TDRD1: variants seen among roughly 807,000 people sequenced by gnomAD.
TDRD1 encodes tudor domain-containing protein 1.
A neutral mutation model predicts 140.6 loss-of-function variants in TDRD1; 37 were observed. The ratio of observed to expected loss-of-function variants is 0.26; its 90% CI spans 0.20 to 0.35. The LOEUF is 0.35. Among genes scored for constraint, TDRD1 ranks in the 10% least tolerant of loss-of-function variants. TDRD1 has a pLI of 1.00. For synonymous variants in TDRD1, 506 were observed against 475.7 expected, an observed-to-expected ratio of 1.06 and a Z score of -0.83; for missense variants, 1,243 against 1,393.0, an observed-to-expected ratio of 0.89 and a Z score of 1.71.
chr10:114,216,467 T>C lies in TDRD1; in HGVS notation c.2213-1078T>C, dbSNP rs185654106. Among the ~76,000 whole-genome samples, 4 of 152,316 alleles carry C rather than the reference T, an allele frequency of 2.6e-5. No homozygotes were observed. In the East Asian group the frequency reaches 7.7e-4, roughly 29 times the overall value. On this transcript the variant is annotated intron_variant, in intron 16 of 25. Coordinates refer to ENST00000251864, the Ensembl canonical transcript of TDRD1. ...TTTCCAAATCTTGGTTTTTCTTTGT[T>C]AAATAAGGACATTAAACTAGATAAC...
chr10:114,203,680 A>G (rs2034912416), intron 8 of TDRD1, 113 bp downstream of exon 8: 1 of 931,836 alleles, frequency 1.1e-6, no homozygotes, highest in Non-Finnish European at 1.6e-6. Context: ...GCCTCTGATC[A>G]CGCTTCTATT....
chr10:114,206,136 A>G, intron 10 of TDRD1, 108 bp from the exon 11 acceptor site: 1 of 787,786 alleles, frequency 1.3e-6, no homozygotes, highest in Non-Finnish European at 2.0e-6. Context: ...CAACCTATTA[A>G]TAGCTATGAA....
chr10:114,231,941 TAA>T (rs11316882), exon 26 of TDRD1: 10,388 of 138,402 alleles, frequency 0.075, 362 homozygotes, highest in Non-Finnish European at 0.084. Flanking sequence ...GATTTTGTCT[TAA>T]AAAAAAAAAA....
chr10:114,177,914 C>T (rs965851802), upstream of TDRD1, among the ~76,000 whole-genome samples: 12 of 150,078 alleles, frequency 8.0e-5, no homozygotes, highest in African/African-American at 2.9e-4. Flanking sequence ...CTCGGTGAAA[C>T]CTCCGCCTCC....
chr10:114,215,915 T>C (rs1369552554), intron 16 of TDRD1, among the ~76,000 whole-genome samples: 1 of 152,252 alleles, frequency 6.6e-6, no homozygotes, highest in Non-Finnish European at 1.5e-5. Context: ...TGTATGAGTA[T>C]ATATAATCCT....
chr10:114,203,150 C>A lies in TDRD1; in HGVS notation c.775C>A (p.Gln259Lys), dbSNP rs372468185. The A allele has an allele frequency of 1.9e-6, 3 of 1,612,964 alleles. No individual in the cohort carries two copies. In the African/African-American group the frequency reaches 4.0e-5, roughly 22 times the overall value. The change falls in exon 7 of 26, where the codon CAA becomes AAA. Residue 259 changes from glutamine (Q) to lysine (K), a missense_variant. This residue lies in a region of TDRD1 where 392 missense variants were observed against 394.1 expected (regional missense o/e 0.99). Transcript: ENST00000251864. ...AATGTTTTCTGATTTGAGAAGTCTA[C>A]AACTCAAGAAAACCATGGAAATAAA...
chr10:114,193,289 CTTTTTTTTTT>C (rs1170053036), intron 3 of TDRD1, among the ~76,000 whole-genome samples: 3 of 83,684 alleles, frequency 3.6e-5, no homozygotes, highest in African/African-American at 1.0e-4. Flanking sequence ...TTGCTGAAGT[CTTTTTTTTTT>C]TTTTTTTTTT....
chr10:114,228,739 T>C, intron 25 of TDRD1: 1 of 985,452 alleles, frequency 1.0e-6, no homozygotes, highest in Non-Finnish European at 1.2e-6. Flanking sequence ...CTGGGATCCT[T>C]TGTTGTAAGA....
chr10:114,191,045 T>G (rs1257605578), intron 3 of TDRD1, 26 bp downstream of exon 3: 1 of 1,605,580 alleles, frequency 6.2e-7, no homozygotes, highest in African/African-American at 1.3e-5. Flanking sequence ...GTGTGTGTGC[T>G]TGTTTGGGTA....
At chr10:114,204,196 A>G in exon 9 of TDRD1, 1 of 1,592,260 alleles carries the variant, frequency 6.3e-7, no homozygotes, top group South Asian at 1.2e-5. Flanking sequence ...CAACAGGAAC[A>G]TTGACTTGTT....
chr10:114,180,171 T>G (rs1049982318), intron 1 of TDRD1: 2 of 152,228 alleles, frequency 1.3e-5, no homozygotes, highest in Admixed American at 6.5e-5. Context: ...GAAGAAATTT[T>G]GTGCTTGTAG....
At chr10:114,196,203 C>T (rs2034335429) in intron 3 of TDRD1, among the ~76,000 whole-genome samples, 1 of 152,202 alleles carries the variant, frequency 6.6e-6, no homozygotes, top group Non-Finnish European at 1.5e-5. Flanking sequence ...CTCAGACTCA[C>T]AAAGTGCTGG....
intron 21 of TDRD1, among the ~76,000 whole-genome samples, chr10:114,225,443 C>A (rs1027650685): frequency 2.7e-4 from 41 of 152,078 alleles, no homozygotes; most frequent in Non-Finnish European, 1.5e-5. Flanking sequence ...TTCCCCACTG[C>A]CAACTTTGGT....
chr10:114,184,270 T>G (rs2120036784), intron 1 of TDRD1, among the ~76,000 whole-genome samples: 1 of 152,328 alleles, frequency 6.6e-6, no homozygotes, highest in Middle Eastern at 3.4e-3. Flanking sequence ...CTTTTTGTCA[T>G]TTATTTTACT....
chr10:114,191,542 G>T (rs1483892162), intron 3 of TDRD1, among the ~76,000 whole-genome samples: 1 of 152,162 alleles, frequency 6.6e-6, no homozygotes, highest in Non-Finnish European at 1.5e-5. Context: ...AATTGATCTA[G>T]GTTGTATGCA....
intron 1 of TDRD1, chr10:114,179,998 T>G (rs1245891719): frequency 6.6e-6 from 1 of 152,268 alleles, no homozygotes; most frequent in Admixed American, 6.5e-5. Context: ...GAGTCTGACC[T>G]GCGTTTTTAT....
intron 1 of TDRD1, among the ~76,000 whole-genome samples, chr10:114,186,455 G>A (rs1346457350): frequency 6.6e-6 from 1 of 151,964 alleles, no homozygotes; most frequent in African/African-American, 2.4e-5. Flanking sequence ...TAGTAGAGAC[G>A]GGGTTTCACC....
rs533572800 is a variant in TDRD1 at position 114,188,567 on chromosome 10, A to G, written c.325+411A>G. On this transcript the variant is annotated intron_variant, in intron 2 of 25. Coordinates refer to ENST00000251864, the Ensembl canonical transcript of TDRD1. ...TCATTCCTTTAGTTCCCGTTCTAAA[A>G]ACCTCTCTTGGCTGGGTGAGGTGGC... is the stretch of plus-strand genomic sequence containing the variant. Among the ~76,000 whole-genome samples, 10 of 152,280 alleles carry G rather than the reference A, an allele frequency of 6.6e-5. No homozygotes were observed. In the East Asian group the frequency reaches 1.9e-3, roughly 29 times the overall value.
chr10:114,187,428 A>G (rs1366470422), intron 1 of TDRD1, among the ~76,000 whole-genome samples: 1 of 152,214 alleles, frequency 6.6e-6, no homozygotes, highest in African/African-American at 2.4e-5. Flanking sequence ...GTGAGAAGGT[A>G]GAAAGGTAGG....
Sources: allele counts gnomAD v4.1 joint callset (sites outside exome capture counted in the v4.1 genomes callset), GRCh38; gene constraint gnomAD v4.1.1; regional missense constraint gnomAD v4.1.1; transcripts MANE v1.5; gene names NCBI Gene and HGNC (gene_info 2026-07-23, HGNC 2026-07-21).